The following MAST4 variants were observed in gnomAD, a reference collection of about 807,000 sequenced individuals.
MAST4 encodes microtubule-associated serine/threonine-protein kinase 4.
Under a neutral mutation model 162.7 loss-of-function variants are expected in MAST4, and 89 were observed. That is an observed-to-expected ratio of 0.55 (90% CI 0.46 to 0.65). The LOEUF (loss-of-function observed/expected upper bound fraction) is 0.65. Ranked by LOEUF, MAST4 falls within the 30% of genes least tolerant of loss-of-function variation. The pLI is 0.00. For synonymous variants in MAST4, 1,479 were observed against 1,361.1 expected (o/e 1.09, Z -1.91); for missense variants, 3,153 against 3,374.0 (o/e 0.93, Z 1.62).
chr5:66,951,554 G>T (rs1180990039), intron 4 of MAST4, among the ~76,000 whole-genome samples: 4 of 151,230 alleles, frequency 2.6e-5, no homozygotes, highest in Non-Finnish European at 5.9e-5. Flanking sequence ...AGGTTCTGGG[G>T]ATTGCTACAT....
At chr5:66,795,948 C>T (rs902642601) in intron 3 of MAST4, among the ~76,000 whole-genome samples, 14 of 152,068 alleles carry the variant, frequency 9.2e-5, no homozygotes, top group Non-Finnish European at 1.5e-4. Flanking sequence ...AGTAATACAT[C>T]TCATAGTTAT....
intron 14 of MAST4, among the ~76,000 whole-genome samples, chr5:67,122,031 C>A (rs1367050993): frequency 6.6e-6 from 1 of 152,026 alleles, no homozygotes; most frequent in Non-Finnish European, 1.5e-5. Context: ...CTTCCTTGAT[C>A]CCTTTTTGTA....
chr5:66,643,375 A>G (rs1167701194), intron 1 of MAST4, among the ~76,000 whole-genome samples: 1 of 152,208 alleles, frequency 6.6e-6, no homozygotes, highest in Non-Finnish European at 1.5e-5. Flanking sequence ...AGAGACTATT[A>G]TAATGCCCAC....
intron 4 of MAST4, among the ~76,000 whole-genome samples, chr5:67,049,058 T>TATATATATATAC (rs1284835940): frequency 1.9e-5 from 2 of 105,896 alleles, no homozygotes; most frequent in African/African-American, 7.8e-5. Flanking sequence ...TATATATATA[T>TATATATATATAC]ACGTATATAT....
rs1331237856 is a variant in MAST4 at position 66,643,874 on chromosome 5, T to TTG, written c.363+46860_363+46861dup. Among the ~76,000 whole-genome samples the TTG allele has an allele frequency of 1.2e-4, 14 of 119,714 alleles. No homozygotes were observed. In the East Asian group the frequency reaches 4.2e-3, roughly 36 times the overall value. 78.5% of individuals were successfully genotyped at this position (119,714 alleles called of 152,430 possible). On this transcript the variant is annotated intron_variant, in intron 1 of 28. Coordinates refer to ENST00000403625, the MANE Select transcript of MAST4 (RefSeq NM_001164664.2). Reference sequence around the variant, plus strand: ...TTGAGCAGGAAAGAAGAGCAATAGCTTGTGTTTTTTTTTTTTTTCTTTAAA... The same window carrying TTG: ...TTGAGCAGGAAAGAAGAGCAATAGCTTGTGTGTTTTTTTTTTTTTTCTTTAAA...
At chr5:66,674,811 G>T (rs371097444) in intron 1 of MAST4, among the ~76,000 whole-genome samples, 6 of 152,164 alleles carry the variant, frequency 3.9e-5, no homozygotes, top group Non-Finnish European at 7.3e-5. Context: ...CAATAGATTC[G>T]TAGGCTGTTG....
intron 4 of MAST4, among the ~76,000 whole-genome samples, chr5:66,914,537 G>C (rs1255296765): frequency 6.6e-6 from 1 of 152,006 alleles, no homozygotes. Flanking sequence ...CTCACGCTTA[G>C]CATAGAGAGG....
At chr5:66,785,663 C>T (rs560213095) in intron 2 of MAST4, among the ~76,000 whole-genome samples, 77 of 152,188 alleles carry the variant, frequency 5.1e-4, no homozygotes, top group Non-Finnish European at 8.1e-4. Context: ...ATTATCTGTT[C>T]AGTGGTTTTC....
rs73765782 is a variant in MAST4, at chr5:66,889,666, C to T, written c.643-10285C>T. 7.3e-3 allele frequency among the ~76,000 whole-genome samples: 1,111 copies of T among 152,264 alleles called. 11 individuals carry two copies. Among genetic ancestry groups the T allele is most frequent in the African/African-American group, 0.024 (1,004 of 41,546 alleles). ...TATTGAGTCGGTGCTGTCTCTTTAC[C>T]GTAGCTCTGTAGTTGTGCCCTAGAT... is the stretch of plus-strand genomic sequence containing the variant. On this transcript the variant is annotated intron_variant, in intron 3 of 28. Coordinates refer to ENST00000403625, the MANE Select transcript of MAST4 (RefSeq NM_001164664.2).
chr5:67,012,017 AGT>A (rs1752741787), intron 4 of MAST4, among the ~76,000 whole-genome samples: 1 of 152,036 alleles, frequency 6.6e-6, no homozygotes, highest in Non-Finnish European at 1.5e-5. Flanking sequence ...TGTGAGAGAG[AGT>A]GTGTTTCTGT....
chr5:66,771,228 A>T (rs2149637365), intron 2 of MAST4, among the ~76,000 whole-genome samples: 1 of 151,576 alleles, frequency 6.6e-6, no homozygotes, highest in East Asian at 1.9e-4. Flanking sequence ...TCTGTCGCCC[A>T]GGCTGGAGTG....
At chr5:66,982,804 G>A (rs1177989301) in intron 4 of MAST4, among the ~76,000 whole-genome samples, 2 of 152,176 alleles carry the variant, frequency 1.3e-5, no homozygotes, top group African/African-American at 4.8e-5. Context: ...TCATTAAAGT[G>A]CCTATTTGCA....
intron 1 of MAST4, among the ~76,000 whole-genome samples, chr5:66,716,404 G>T (rs1336504015): frequency 6.6e-6 from 1 of 151,940 alleles, no homozygotes; most frequent in Non-Finnish European, 1.5e-5. Context: ...CCAGCCTGGA[G>T]TGCAATGATG....
intron 19 of MAST4, among the ~76,000 whole-genome samples, chr5:67,138,356 A>G (rs1561705203): frequency 6.6e-6 from 1 of 152,112 alleles, no homozygotes; most frequent in Non-Finnish European, 1.5e-5. Context: ...TCTGTTATGA[A>G]TGCGTACTGC....
chr5:67,006,838 G>A (rs1752096977), intron 4 of MAST4, among the ~76,000 whole-genome samples: 1 of 152,168 alleles, frequency 6.6e-6, no homozygotes, highest in Non-Finnish European at 1.5e-5. Flanking sequence ...ATTCTTCCCA[G>A]TAAAATGGGA....
At chr5:66,814,284 G>C (rs1463723639) in intron 3 of MAST4, among the ~76,000 whole-genome samples, 1 of 152,210 alleles carries the variant, frequency 6.6e-6, no homozygotes, top group South Asian at 2.1e-4. Flanking sequence ...CTCAGTGCTA[G>C]GGAGCTCTTG....
At chr5:67,095,948 G>A (rs929139913) in intron 7 of MAST4, among the ~76,000 whole-genome samples, 2 of 152,130 alleles carry the variant, frequency 1.3e-5, no homozygotes, top group African/African-American at 4.8e-5. Flanking sequence ...ATAACATTTG[G>A]TGTAGTTCGG....
In MAST4 at chr5:67,163,541, C is replaced by T. The variant is rs924395906; in HGVS notation, c.4362C>T (p.Tyr1454=). 10 of 1,601,032 alleles carry T rather than the reference C, an allele frequency of 6.2e-6. No homozygotes were observed. Among genetic ancestry groups the T allele is most frequent in the East Asian group, 4.5e-5 (2 of 44,036 alleles). Residue 1454 remains tyrosine (Y), a synonymous_variant, in exon 29 of 29, where the codon TAC becomes TAT. Transcript: ENST00000403625. The surrounding 1 kb of genome is among the most constrained non-coding windows in gnomAD (Gnocchi z 7.0). ...CCGAGGAGAAGCTGTCGCCCTCTTACGGCAGTGACAAGAAGCACCTGTGCT... is the reference window on the plus strand; with the variant it reads ...CCGAGGAGAAGCTGTCGCCCTCTTATGGCAGTGACAAGAAGCACCTGTGCT... ...VQSEEKLSPS[Y]GSDKKHLCSR...
intron 1 of MAST4, among the ~76,000 whole-genome samples, chr5:66,728,904 G>A (rs1225408224): frequency 6.6e-6 from 1 of 152,192 alleles, no homozygotes; most frequent in Non-Finnish European, 1.5e-5. Flanking sequence ...GGGTCCCTTG[G>A]AGGGGATAGA....
Sources: gnomAD v4.1 joint callset for allele counts (sites outside exome capture counted in the v4.1 genomes callset) on GRCh38, gnomAD v4.1.1 for gene constraint, Gnocchi (gnomAD v3.1) non-coding constraint, MANE v1.5 for transcripts, NCBI Gene and HGNC (gene_info 2026-07-23, HGNC 2026-07-21) for gene names.